EYA1: variants seen among roughly 807,000 people sequenced by gnomAD.
The protein encoded by EYA1 is protein phosphatase EYA1.
Under a neutral mutation model 82.0 loss-of-function variants are expected in EYA1, and 16 were observed. That is an observed-to-expected ratio of 0.20 (90% CI 0.13 to 0.30). EYA1 has a LOEUF of 0.30. Among genes scored for constraint, EYA1 ranks in the 10% least tolerant of loss-of-function variants. The probability of loss-of-function intolerance (pLI) is 1.00; values close to 1 mark genes in which losing one functional copy is unlikely to be tolerated. For synonymous variants in EYA1, 261 were observed against 264.4 expected, an observed-to-expected ratio of 0.99 and a Z score of 0.12; for missense variants, 633 against 730.7, an observed-to-expected ratio of 0.87 and a Z score of 1.54.
intron 2 of EYA1, among the ~76,000 whole-genome samples, chr8:71,505,252 T>G (rs993182447): frequency 2.6e-5 from 4 of 152,146 alleles, no homozygotes. Context: ...CACATCAGAA[T>G]CACTAGGTCT....
intron 2 of EYA1, among the ~76,000 whole-genome samples, chr8:71,506,837 T>C (rs1812228514): frequency 6.6e-6 from 1 of 151,920 alleles, no homozygotes; most frequent in Non-Finnish European, 1.5e-5. Flanking sequence ...TTCAACTAAA[T>C]GTCTAAAACA....
intron 9 of EYA1, among the ~76,000 whole-genome samples, chr8:71,275,056 T>G (rs1257169261): frequency 6.8e-6 from 1 of 147,106 alleles, no homozygotes; most frequent in Non-Finnish European, 1.5e-5. Context: ...GAGATGAGGC[T>G]GGAGTGGCAG....
chr8:71,514,598 A>G (rs535400054), intron 2 of EYA1, among the ~76,000 whole-genome samples: 2 of 152,278 alleles, frequency 1.3e-5, no homozygotes, highest in East Asian at 3.9e-4. Flanking sequence ...GGCAGTGGCA[A>G]GAGAAAATGA....
At chr8:71,300,448 C>G (rs1028950744) in intron 7 of EYA1, among the ~76,000 whole-genome samples, 11 of 152,022 alleles carry the variant, frequency 7.2e-5, no homozygotes, top group African/African-American at 2.7e-4. Context: ...CATTGATAAT[C>G]ATATTGGCGA....
At chr8:71,491,027 A>T (rs2129224446) in intron 2 of EYA1, among the ~76,000 whole-genome samples, 1 of 152,158 alleles carries the variant, frequency 6.6e-6, no homozygotes, top group Non-Finnish European at 1.5e-5. Context: ...CAATGATTGG[A>T]TGAAAAAAAA....
intron 17 of EYA1, among the ~76,000 whole-genome samples, chr8:71,207,673 A>AAGAT (rs1807980881): frequency 6.6e-6 from 1 of 152,238 alleles, no homozygotes; most frequent in South Asian, 2.1e-4. Context: ...GACATGTCCA[A>AAGAT]AGATAAACAG....
chr8:71,487,879 T>C (rs577764606), intron 2 of EYA1, among the ~76,000 whole-genome samples: 3 of 152,316 alleles, frequency 2.0e-5, no homozygotes, highest in East Asian at 1.9e-4. Flanking sequence ...TGGAAGTATA[T>C]GCTGGTTTTG....
chr8:71,267,836 C>T (rs1816050154), intron 11 of EYA1, among the ~76,000 whole-genome samples: 1 of 152,178 alleles, frequency 6.6e-6, no homozygotes, highest in Non-Finnish European at 1.5e-5. Context: ...GCATGAGCCA[C>T]CGCGCCCGGC....
At chr8:71,362,690 G>T (rs924476705), upstream of EYA1, among the ~76,000 whole-genome samples, 11 of 152,110 alleles carry the variant, frequency 7.2e-5, no homozygotes, top group African/African-American at 2.4e-4. Context: ...ACAATTCCTT[G>T]GCTATGAACC....
At chr8:71,254,243 C>CAAAAAAAAAAAAAAAA (rs56047377) in intron 11 of EYA1, among the ~76,000 whole-genome samples, 3 of 51,466 alleles carry the variant, frequency 5.8e-5, no homozygotes, top group East Asian at 6.8e-4. Context: ...AAGTCTTGGC[C>CAAAAAAAAAAAAAAAA]AAAAAAAAAA....
chr8:71,359,966 G>A (rs1240031263), intron 1 of EYA1, among the ~76,000 whole-genome samples: 2 of 151,886 alleles, frequency 1.3e-5, no homozygotes, highest in African/African-American at 4.8e-5. Context: ...CTCCTCAATC[G>A]ATATCTCCAA....
At chr8:71,325,309 G>GTC (rs1215921643) in intron 4 of EYA1, among the ~76,000 whole-genome samples, 4 of 151,856 alleles carry the variant, frequency 2.6e-5, no homozygotes, top group African/African-American at 9.7e-5. Context: ...TTAGGATAAC[G>GTC]TCTTCCTTCT....
chr8:71,215,619 G>A lies in EYA1; in HGVS notation c.1470C>T (p.His490=), dbSNP rs777174330. Residue 490 remains histidine, a synonymous_variant, in exon 15 of 18, where the codon CAC becomes CAT. Transcript: ENST00000340726. ...TLALKALSLI[H]SRTNCVNILV... is the part of the protein sequence containing the mutation. ...GACCCCGCAGAGAGCCTCACCGGGA[G>A]TGAATGAGCGAGAGTGCTTTCAGGG... 2.5e-6 allele frequency: 4 copies of A among 1,613,814 alleles called. No homozygotes were observed. Among genetic ancestry groups the A allele is most frequent in the Non-Finnish European group, 3.4e-6 (4 of 1,179,684 alleles).
intron 2 of EYA1, among the ~76,000 whole-genome samples, chr8:71,439,066 G>A (rs189855558): frequency 5.9e-5 from 9 of 152,270 alleles, no homozygotes; most frequent in African/African-American, 2.2e-4. Context: ...TATGAGGTCA[G>A]AGATTTTGAT....
chr8:71,467,458 G>A (rs966524346), intron 2 of EYA1, among the ~76,000 whole-genome samples: 2 of 152,102 alleles, frequency 1.3e-5, no homozygotes, highest in Non-Finnish European at 2.9e-5. Flanking sequence ...CTGGGAAAAA[G>A]AGAAGTTGTT....
At chr8:71,230,562 G>A (rs1487009361) in intron 12 of EYA1, among the ~76,000 whole-genome samples, 1 of 152,170 alleles carries the variant, frequency 6.6e-6, no homozygotes, top group East Asian at 1.9e-4. Context: ...GCCAGTCAGG[G>A]TTGACTGTGT....
chr8:71,334,100 A>G lies in EYA1; in HGVS notation c.199T>C (p.Ser67Pro). The G allele has an allele frequency of 2.5e-6, 4 of 1,611,838 alleles. No individual in the cohort carries two copies. Among genetic ancestry groups the G allele is most frequent in the Non-Finnish European group, 3.4e-6 (4 of 1,178,048 alleles). Residue 67 changes from serine to proline, a missense_variant, in exon 4 of 18, where the codon TCA becomes CCA. By Grantham distance (74) the Ser-to-Pro change is moderately conservative. Transcript: ENST00000340726. ...AAATCTAATATTTATTCCTTACCTG[A>G]ACCTGAGAAATTGTTTAAAGACCCG... ...ADGSLNNFSG[S>P]AIGSSSFSPR...
At chr8:71,223,719 C>T (rs187426391) in intron 12 of EYA1, among the ~76,000 whole-genome samples, 1 of 152,332 alleles carries the variant, frequency 6.6e-6, no homozygotes, top group African/African-American at 2.4e-5. Context: ...CTCAAGCTGA[C>T]CTTTTTCTGA....
At chr8:71,486,114 G>A (rs545933590) in intron 2 of EYA1, among the ~76,000 whole-genome samples, 6 of 152,262 alleles carry the variant, frequency 3.9e-5, no homozygotes, top group Admixed American at 2.0e-4. Context: ...TTCCTGCTGT[G>A]GTGAAGACTT....
Sources: allele counts gnomAD v4.1 joint callset (sites outside exome capture counted in the v4.1 genomes callset), GRCh38; gene constraint gnomAD v4.1.1; transcripts MANE v1.5; gene names NCBI Gene and HGNC (gene_info 2026-07-23, HGNC 2026-07-21).